The following WDR35 variants were observed in gnomAD, a reference collection of about 807,000 sequenced individuals.
WDR35 encodes WD repeat domain 35.
In WDR35, 118 loss-of-function variants were observed where a neutral mutation model predicts 158.3. The ratio of observed to expected loss-of-function variants is 0.75; its 90% CI spans 0.64 to 0.87. The LOEUF is 0.87. WDR35 is among the 40% of genes least tolerant of loss of function. The probability of loss-of-function intolerance (pLI) is 0.00; values close to 1 mark genes in which losing one functional copy is unlikely to be tolerated. For missense variants in WDR35, 1,263 were observed against 1,405.8 expected (o/e 0.90, Z 1.62); for synonymous variants, 448 against 476.1 (o/e 0.94, Z 0.77).
At chr2:19,921,076 A>T (rs1389599779) in intron 25 of WDR35, among the ~76,000 whole-genome samples, 1 of 152,344 alleles carries the variant, frequency 6.6e-6, no homozygotes, top group East Asian at 1.9e-4. Flanking sequence ...CAAGAAAATA[A>T]GAGAGGACAC....
rs766664222 is a variant in WDR35 at position 19,935,559 on chromosome 2, C to T, written c.2459G>A (p.Arg820His). 18 of 1,612,948 alleles carry T rather than the reference C, an allele frequency of 1.1e-5. No individual in the cohort carries two copies. Among genetic ancestry groups the T allele is most frequent in the Admixed American group, 3.3e-5 (2 of 59,918 alleles). ...QYYVQGRNQE[R>H]LAECYYMLED... is the part of the protein sequence containing the mutation. ...TAACATATAGTAACATTCAGCTAAG[C>T]GTTCCTGGTTCCGTCCTTGTACATA... The change falls in exon 21 of 27, where the codon CGC (arginine) becomes CAC (histidine). Residue 820 changes from arginine to histidine, a missense_variant. Physicochemically the swap from Arg to His is conservative, Grantham distance 29. Transcript: ENST00000281405.
intron 10 of WDR35, chr2:19,962,378 C>T: frequency 1.3e-6 from 2 of 1,594,376 alleles, no homozygotes; most frequent in Non-Finnish European, 1.7e-6. Context: ...ATTCAGTTAA[C>T]TCAAAAAAGA....
At chr2:19,981,258 G>A (rs369888647) in intron 3 of WDR35, among the ~76,000 whole-genome samples, 9 of 152,026 alleles carry the variant, frequency 5.9e-5, no homozygotes, top group Middle Eastern at 3.4e-3. Context: ...AAACCTCTAG[G>A]GTACGTGAAT....
Position 19,974,493 on chromosome 2 carries a change from T to C in WDR35, c.711A>G (p.Gln237=), listed in dbSNP as rs1226305811. 3 of 1,610,970 alleles carry C rather than the reference T, an allele frequency of 1.9e-6. No homozygotes were observed. In the South Asian group the frequency reaches 3.3e-5, roughly 18 times the overall value. ...LAVCFDNGRC[Q]IMRHENDQNP... ...TTTGGTCATTCTCATGTCTCATTAT[T>C]TGGCATCTTCCATTATCAAAGCAAA... Residue 237 remains glutamine, a synonymous_variant, in exon 7 of 27, where the codon CAA becomes CAG. Coordinates refer to ENST00000281405, the MANE Select transcript of WDR35 (RefSeq NM_020779.4).
intron 10 of WDR35, among the ~76,000 whole-genome samples, chr2:19,965,317 T>C (rs1028179577): frequency 6.6e-6 from 1 of 152,226 alleles, no homozygotes; most frequent in Admixed American, 6.5e-5. Context: ...CTCAAATGTC[T>C]GGCAATCCTT....
chr2:19,977,339 A>G (rs1672248122), intron 5 of WDR35, among the ~76,000 whole-genome samples: 1 of 152,242 alleles, frequency 6.6e-6, no homozygotes, highest in South Asian at 2.1e-4. Flanking sequence ...TATCCAACAG[A>G]GGAATTTTCC....
chr2:19,984,105 A>C (rs1435030463), intron 2 of WDR35, among the ~76,000 whole-genome samples: 1 of 150,872 alleles, frequency 6.6e-6, no homozygotes, highest in Non-Finnish European at 1.5e-5. Flanking sequence ...GTCATATGAG[A>C]TTTAGATTGA....
At chr2:19,988,630 A>G (rs757128119) in intron 2 of WDR35, among the ~76,000 whole-genome samples, 4 of 152,208 alleles carry the variant, frequency 2.6e-5, no homozygotes, top group Non-Finnish European at 5.9e-5. Flanking sequence ...TAGGTCTTCA[A>G]TCTAGGGGGG....
At position 19,978,858 on chromosome 2, in the gene WDR35, A is replaced by G. The variant is rs1227047966; in HGVS notation, c.329T>C (p.Ile110Thr). Residue 110 changes from isoleucine to threonine, a missense_variant, in exon 5 of 27, where the codon ATC (isoleucine) becomes ACC (threonine). Ile to Thr is a moderately conservative substitution (Grantham distance 89, BLOSUM62 -1). Transcript: ENST00000281405. ...LYKGSWIEEM[I>T]NNRNKSVVRS... is the part of the protein sequence containing the mutation. ...AACAACTGATTTATTTCGATTGTTGATCATCTCCTCAATCCAAGAGCCTGT... is the reference window on the plus strand; with the variant it reads ...AACAACTGATTTATTTCGATTGTTGGTCATCTCCTCAATCCAAGAGCCTGT... 1.2e-6 allele frequency: 2 copies of G among 1,613,792 alleles called. No individual in the cohort carries two copies. The highest frequency in any genetic ancestry group is 2.2e-5 in the South Asian group (2 of 91,082).
At chr2:19,984,053 ACACC>A (rs149542186) in intron 2 of WDR35, among the ~76,000 whole-genome samples, 68,271 of 146,322 alleles carry the variant, frequency 0.47, 16,090 homozygotes, top group East Asian at 0.66. Context: ...ATATATACAC[ACACC>A]CACATATTCT....
chr2:19,968,920 C>T (rs1238201847), intron 9 of WDR35, among the ~76,000 whole-genome samples: 1 of 152,210 alleles, frequency 6.6e-6, no homozygotes, highest in East Asian at 1.9e-4. Flanking sequence ...TCTACGAACT[C>T]CGTCACCTGG....
Position 19,974,448 on chromosome 2 carries a change from T to C in WDR35, c.736+20A>G. The C allele has an allele frequency of 1.3e-6, 2 of 1,565,824 alleles. No individual in the cohort carries two copies. The highest frequency in any genetic ancestry group is 1.7e-6 in the Non-Finnish European group (2 of 1,160,384). On this transcript the variant is annotated intron_variant, in intron 7 of 26. Coordinates refer to ENST00000281405, the MANE Select transcript of WDR35 (RefSeq NM_020779.4). ...AAAAATAGAAATTAAAAAAATTTTT[T>C]AAACAGAAAAATTCCTTACTTTGGT...
chr2:19,985,446 A>G (rs966201896), intron 2 of WDR35, among the ~76,000 whole-genome samples: 1 of 149,408 alleles, frequency 6.7e-6, no homozygotes, highest in Admixed American at 6.7e-5. Flanking sequence ...ACCCAGGACC[A>G]TCATCCTCAA....
Position 19,975,596 on chromosome 2 carries a change from A to T in WDR35, c.504T>A (p.Ser168Arg), listed in dbSNP as rs397515536. ...QLSHVTWSAD[S>R]KVLLFGMANG... is the part of the protein sequence containing the mutation. The stretch of plus-strand genomic sequence containing the variant: ...TTGCCATTCCAAAAAGTAAGACTTT[A>T]CTGTCCGCAGACCATGTTACATGGG... Residue 168 changes from serine to arginine, a missense_variant, in exon 6 of 27, where the codon AGT becomes AGA. Coordinates refer to ENST00000281405, the MANE Select transcript of WDR35 (RefSeq NM_020779.4). The T allele has an allele frequency of 3.1e-6, 5 of 1,614,012 alleles. No homozygotes were observed. Among genetic ancestry groups the T allele is most frequent in the Non-Finnish European group, 4.2e-6 (5 of 1,180,000 alleles).
intron 5 of WDR35, 136 bp downstream of exon 5, chr2:19,978,615 T>G: frequency 7.5e-7 from 1 of 1,326,542 alleles, no homozygotes. Context: ...TGTCGTCAAA[T>G]TGTATATCAA....
At chr2:19,970,975 A>G (rs1672018887) in intron 8 of WDR35, among the ~76,000 whole-genome samples, 1 of 152,190 alleles carries the variant, frequency 6.6e-6, no homozygotes, top group Admixed American at 6.5e-5. Flanking sequence ...CCATTAATAG[A>G]TTATTTGATA....
intron 10 of WDR35, among the ~76,000 whole-genome samples, chr2:19,961,726 T>G (rs765759545): frequency 2.0e-5 from 3 of 152,218 alleles, no homozygotes; most frequent in Non-Finnish European, 4.4e-5. Flanking sequence ...TTTTGCTTGT[T>G]GACTTTCTGA....
At chr2:19,989,319 A>C (rs1436707543) in intron 1 of WDR35, 37 bp from the exon 2 acceptor site, 1 of 1,568,060 alleles carries the variant, frequency 6.4e-7, no homozygotes, top group Non-Finnish European at 8.8e-7. Flanking sequence ...GCAACTTTTC[A>C]CGAAGGAGCT....
Position 19,948,235 on chromosome 2 carries a change from A to G in WDR35, c.1471-18T>C, listed in dbSNP as rs1671119881. The G allele has an allele frequency of 3.1e-6, 5 of 1,604,362 alleles. No homozygotes were observed. Among genetic ancestry groups the G allele is most frequent in the Admixed American group, 3.3e-5 (2 of 59,734 alleles). ...CTTGTGCCCTAAAATAAATTAATCA[A>G]TCATTACTATTCAACAAACATTTAT... On this transcript the variant is annotated intron_variant, in intron 13 of 26. Transcript: ENST00000281405.
Sources: gnomAD v4.1 joint callset for allele counts (sites outside exome capture counted in the v4.1 genomes callset) on GRCh38, gnomAD v4.1.1 for gene constraint, MANE v1.5 for transcripts, NCBI Gene and HGNC (gene_info 2026-07-23, HGNC 2026-07-21) for gene names.